PGM5: variants seen among roughly 807,000 people sequenced by gnomAD.
PGM5 encodes the protein phosphoglucomutase 5.
A neutral mutation model predicts 59.2 loss-of-function variants in PGM5; 23 were observed. The observed-to-expected ratio is 0.39, with a 90% CI of 0.28 to 0.55. PGM5 has a LOEUF of 0.55. PGM5 is among the 20% of genes least tolerant of loss of function. The pLI, the probability that PGM5 is intolerant of heterozygous loss-of-function variation, is 0.66. For missense variants in PGM5, 574 were observed against 748.3 expected (o/e 0.77, Z 2.72); for synonymous variants, 214 against 286.0 (o/e 0.75, Z 2.54).
intron 6 of PGM5, among the ~76,000 whole-genome samples, chr9:68,459,788 T>C: frequency 6.6e-6 from 1 of 152,242 alleles, no homozygotes; most frequent in East Asian, 1.9e-4. Context: ...TCTTTTCATA[T>C]GCTAATTGTT....
Position 68,391,602 on chromosome 9 carries a change from T to G in PGM5, c.766T>G (p.Cys256Gly), listed in dbSNP as rs1406328624. ...GGCCCCAGCCAATTCTGCAATAAAC[T>G]GTGTTCCCCTGGAAGACTTTGGAGG... Reference protein sequence around the residue: ...LGAPANSAINCVPLEDFGGQH... With the variant: ...LGAPANSAINGVPLEDFGGQH... The change falls in exon 5 of 11, where the codon TGT (cysteine) becomes GGT (glycine). Residue 256 changes from cysteine to glycine, a missense_variant. Physicochemically the swap from Cys to Gly is radical, Grantham distance 159. Coordinates refer to ENST00000396396, the MANE Select transcript of PGM5 (RefSeq NM_021965.4). 6.2e-7 allele frequency: 1 copy of G among 1,613,242 alleles called. No homozygotes were observed. The highest frequency in any genetic ancestry group is 8.5e-7 in the Non-Finnish European group (1 of 1,179,498).
intron 6 of PGM5, among the ~76,000 whole-genome samples, chr9:68,440,720 G>A (rs1440392106): frequency 6.6e-6 from 1 of 151,990 alleles, no homozygotes; most frequent in Non-Finnish European, 1.5e-5. Context: ...ATATTTATAA[G>A]AGAAAGGTTT....
intron 6 of PGM5, among the ~76,000 whole-genome samples, chr9:68,417,143 G>A (rs1823046986): frequency 6.6e-6 from 1 of 152,206 alleles, no homozygotes; most frequent in Non-Finnish European, 1.5e-5. Context: ...GGGCCTACTG[G>A]TATCTTTAGG....
At position 68,503,292 on chromosome 9, in the gene PGM5, A is replaced by G. The variant is rs367971499; in HGVS notation, c.1614+3931A>G. On this transcript the variant is annotated intron_variant, in intron 10 of 10. Transcript: ENST00000396396. Reference sequence around the variant, plus strand: ...GAATACACCTAGACTGCAGAACATCACAGCTTAGCTTAGCCTACCTTGAAC... The same window carrying G: ...GAATACACCTAGACTGCAGAACATCGCAGCTTAGCTTAGCCTACCTTGAAC... Among the ~76,000 whole-genome samples, 81 of 152,364 alleles carry G rather than the reference A, an allele frequency of 5.3e-4. 1 individual carries two copies. In the South Asian group the frequency reaches 0.012, roughly 23 times the overall value.
At chr9:68,408,323 C>T (rs1395856532) in intron 6 of PGM5, among the ~76,000 whole-genome samples, 1 of 152,192 alleles carries the variant, frequency 6.6e-6, no homozygotes, top group Non-Finnish European at 1.5e-5. Context: ...GGTGGGCTGA[C>T]TCGAGGAAGA....
At chr9:68,434,516 T>C (rs1460090618) in intron 6 of PGM5, among the ~76,000 whole-genome samples, 2 of 151,656 alleles carry the variant, frequency 1.3e-5, no homozygotes, top group Admixed American at 1.3e-4. Context: ...GTGTTAAAAT[T>C]GTGATCTTGG....
intron 10 of PGM5, among the ~76,000 whole-genome samples, chr9:68,504,491 G>A (rs1360864365): frequency 6.6e-6 from 1 of 151,884 alleles, no homozygotes; most frequent in South Asian, 2.1e-4. Flanking sequence ...CACTCCAACC[G>A]CTGTTTGGTG....
chr9:68,404,483 A>G (rs1376030614), intron 6 of PGM5, among the ~76,000 whole-genome samples: 3 of 152,308 alleles, frequency 2.0e-5, no homozygotes, highest in African/African-American at 7.2e-5. Context: ...AAAAGATATC[A>G]ATTAAGTACA....
At chr9:68,415,083 G>A in intron 6 of PGM5, among the ~76,000 whole-genome samples, 1 of 149,378 alleles carries the variant, frequency 6.7e-6, no homozygotes, top group South Asian at 2.1e-4. Context: ...CATTCTTCAT[G>A]TCATAAGGAG....
chr9:68,406,682 A>ATATATATATATATATATGTG (rs1822820999), intron 6 of PGM5, among the ~76,000 whole-genome samples: 1 of 39,342 alleles, frequency 2.5e-5, no homozygotes, highest in African/African-American at 1.1e-4. Context: ...ATATATGTAT[A>ATATATATATATATATATGTG]TATATATATA....
intron 6 of PGM5, among the ~76,000 whole-genome samples, chr9:68,413,780 C>A (rs1554681792): frequency 1.3e-5 from 2 of 152,200 alleles, no homozygotes; most frequent in African/African-American, 4.8e-5. Context: ...GATGCAGGAA[C>A]TCATCTCTTA....
chr9:68,473,891 C>G (rs7042123), intron 7 of PGM5, among the ~76,000 whole-genome samples: 17,673 of 152,060 alleles, frequency 0.12, 1,832 homozygotes, highest in East Asian at 0.37. Flanking sequence ...AGAACCCCCC[C>G]ATGTGAGCAA....
At chr9:68,382,419 A>G (rs1822101627) in intron 2 of PGM5, among the ~76,000 whole-genome samples, 2 of 151,916 alleles carry the variant, frequency 1.3e-5, no homozygotes, top group Admixed American at 1.3e-4. Flanking sequence ...AGAAGAGAAC[A>G]TAGGGAAAAA....
chr9:68,486,615 T>C (rs1485469270), intron 9 of PGM5, among the ~76,000 whole-genome samples: 1 of 152,268 alleles, frequency 6.6e-6, no homozygotes, highest in African/African-American at 2.4e-5. Context: ...TCAGTACTTA[T>C]TCCTTTTATT....
intron 6 of PGM5, among the ~76,000 whole-genome samples, chr9:68,451,796 T>C (rs1823701471): frequency 6.6e-6 from 1 of 152,160 alleles, no homozygotes; most frequent in African/African-American, 2.4e-5. Context: ...TGAATTCAGG[T>C]GAGGCCAATG....
chr9:68,516,616 A>G (rs756006739), intron 10 of PGM5, among the ~76,000 whole-genome samples: 10 of 152,176 alleles, frequency 6.6e-5, no homozygotes, highest in Non-Finnish European at 8.8e-5. Context: ...GGCCTCCACC[A>G]TCTGGCCACT....
Position 68,465,318 on chromosome 9 carries a change from G to A in PGM5, c.1159+110G>A, listed in dbSNP as rs531932579. 118 of 714,596 alleles carry A rather than the reference G, an allele frequency of 1.7e-4. No individual in the cohort carries two copies. In the East Asian group the frequency reaches 2.8e-3, roughly 17 times the overall value. 44.3% of individuals were successfully genotyped at this position (714,596 alleles called of 1,614,324 possible). A position where few individuals can be genotyped will look rare whatever the true frequency, so the allele number is the denominator to read the frequency against. On this transcript the variant is annotated intron_variant, in intron 7 of 10. Coordinates refer to ENST00000396396, the MANE Select transcript of PGM5 (RefSeq NM_021965.4). ...AATTACAGAGGAACAGTTAAGTAGA[G>A]GCAAAAAATCAGAGAAACCTAGTAG... is the stretch of plus-strand genomic sequence containing the variant.
intron 7 of PGM5, among the ~76,000 whole-genome samples, chr9:68,475,460 T>C (rs1824089394): frequency 6.6e-6 from 1 of 151,972 alleles, no homozygotes; most frequent in Non-Finnish European, 1.5e-5. Flanking sequence ...ATGTTAAGAG[T>C]TTGGTGTATA....
rs574834022 is a variant in PGM5, at chr9:68,440,016, A to G, written c.1044-25077A>G. On this transcript the variant is annotated intron_variant, in intron 6 of 10. Coordinates refer to ENST00000396396, the MANE Select transcript of PGM5 (RefSeq NM_021965.4). The stretch of plus-strand genomic sequence containing the variant: ...AAATCATGTTGGGTCAGTTTACCAA[A>G]AAGATCCAACGGTCCTAAATGTATA... Among the ~76,000 whole-genome samples the G allele has an allele frequency of 1.4e-4, 21 of 152,324 alleles. No individual in the cohort carries two copies. The Middle Eastern group carries it at 0.01, about 74-fold the overall frequency.
Sources: allele counts gnomAD v4.1 joint callset (sites outside exome capture counted in the v4.1 genomes callset), GRCh38; gene constraint gnomAD v4.1.1; transcripts MANE v1.5; gene names NCBI Gene and HGNC (gene_info 2026-07-23, HGNC 2026-07-21).